FARP1: variants seen among roughly 807,000 people sequenced by gnomAD.
FARP1 encodes the protein FERM, ARHGEF and pleckstrin domain-containing protein 1.
Under a neutral mutation model 128.8 loss-of-function variants are expected in FARP1, and 52 were observed. The observed-to-expected ratio is 0.40, with a 90% CI of 0.32 to 0.51. The LOEUF (loss-of-function observed/expected upper bound fraction) is 0.51, where lower values mean the gene tolerates loss of function less well. FARP1 is among the 20% of genes least tolerant of loss of function. FARP1 has a pLI of 0.45. For missense variants in FARP1, 1,333 were observed against 1,367.9 expected, an observed-to-expected ratio of 0.97 and a Z score of 0.40; for synonymous variants, 580 against 551.8, an observed-to-expected ratio of 1.05 and a Z score of -0.72.
intron 2 of FARP1, among the ~76,000 whole-genome samples, chr13:98,219,789 C>G (rs573591203): frequency 1.3e-5 from 2 of 152,176 alleles, no homozygotes; most frequent in African/African-American, 2.4e-5. Context: ...CACAGTCCCC[C>G]CTAGTTGCTG....
chr13:98,153,575 A>AAATATGTATAAATATATATT (rs1876285745), intron 1 of FARP1, among the ~76,000 whole-genome samples: 1 of 142,624 alleles, frequency 7.0e-6, no homozygotes, highest in African/African-American at 2.6e-5. Context: ...TATTATATAT[A>AAATATGTATAAATATATATT]TATTTCGAGA....
chr13:98,352,522 C>G (rs1888478770), intron 3 of FARP1, among the ~76,000 whole-genome samples: 1 of 152,184 alleles, frequency 6.6e-6, no homozygotes, highest in Non-Finnish European at 1.5e-5. Context: ...AGAAAGCACG[C>G]TTCCATATCC....
At chr13:98,153,330 A>AT (rs71120310) in intron 1 of FARP1, among the ~76,000 whole-genome samples, 2 of 130,216 alleles carry the variant, frequency 1.5e-5, no homozygotes, top group Non-Finnish European at 3.1e-5. Flanking sequence ...TAAATAATAT[A>AT]ATATATAAAA....
intron 1 of FARP1, among the ~76,000 whole-genome samples, chr13:98,184,572 A>G (rs1237188022): frequency 6.6e-6 from 1 of 152,206 alleles, no homozygotes; most frequent in African/African-American, 2.4e-5. Flanking sequence ...TTGCTTCTTA[A>G]GGAAGTACGA....
chr13:98,308,599 TAAC>T (rs1281999600), intron 2 of FARP1, among the ~76,000 whole-genome samples: 1 of 152,186 alleles, frequency 6.6e-6, no homozygotes, highest in Non-Finnish European at 1.5e-5. Context: ...TTCAAAGACT[TAAC>T]AACAACAACA....
At chr13:98,369,707 A>G (rs1262505360) in intron 5 of FARP1, among the ~76,000 whole-genome samples, 2 of 151,980 alleles carry the variant, frequency 1.3e-5, no homozygotes, top group Non-Finnish European at 2.9e-5. Flanking sequence ...ATCATTTTTT[A>G]TGGCTGCATA....
At chr13:98,364,845 C>T (rs540377387) in intron 3 of FARP1, among the ~76,000 whole-genome samples, 7 of 152,284 alleles carry the variant, frequency 4.6e-5, no homozygotes, top group Admixed American at 3.3e-4. Flanking sequence ...GGACCTGGGG[C>T]AAATTAGCCT....
chr13:98,144,435 G>A (rs1421830751), intron 1 of FARP1, among the ~76,000 whole-genome samples: 1 of 152,156 alleles, frequency 6.6e-6, no homozygotes, highest in African/African-American at 2.4e-5. Context: ...AGCAGCCTCG[G>A]CCTCCCTGTC....
intron 6 of FARP1, among the ~76,000 whole-genome samples, chr13:98,378,977 CTATA>C (rs1213039862): frequency 2.8e-3 from 153 of 54,136 alleles, no homozygotes; most frequent in Non-Finnish European, 3.8e-3. Context: ...AATATATAAT[CTATA>C]TATAATATAT....
In FARP1 at chr13:98,248,285, G is replaced by C. The variant is rs148322062; in HGVS notation, c.171+34872G>C. Among the ~76,000 whole-genome samples, 179 of 152,224 alleles carry C rather than the reference G, an allele frequency of 1.2e-3. 1 individual carries two copies. Among genetic ancestry groups the C allele is most frequent in the African/African-American group, 4.0e-3 (165 of 41,528 alleles). On this transcript the variant is annotated intron_variant, in intron 2 of 26. Transcript: ENST00000319562. ...TTGAACTCTTTTCTACTGTATTTGGGTGGAATGAGATTTAATAGTGGACTC... is the reference window on the plus strand; with the variant it reads ...TTGAACTCTTTTCTACTGTATTTGGCTGGAATGAGATTTAATAGTGGACTC...
chr13:98,368,306 A>G (rs988162813), intron 5 of FARP1, 111 bp downstream of exon 5: 3 of 818,002 alleles, frequency 3.7e-6, no homozygotes, highest in African/African-American at 3.4e-5. Flanking sequence ...CTTGACCAGC[A>G]TCTGTTCTGT....
chr13:98,396,804 GT>G (rs1890567807), intron 13 of FARP1: 1 of 241,454 alleles, frequency 4.1e-6, no homozygotes, highest in South Asian at 1.8e-4. Context: ...ATCCGATCAT[GT>G]GTATAGTGTG....
intron 2 of FARP1, among the ~76,000 whole-genome samples, chr13:98,251,565 C>T (rs1261299970): frequency 6.6e-6 from 1 of 151,910 alleles, no homozygotes; most frequent in Non-Finnish European, 1.5e-5. Context: ...CACCTGTAAT[C>T]CCAGCTACTT....
intron 2 of FARP1, among the ~76,000 whole-genome samples, chr13:98,315,651 G>A (rs1886688473): frequency 6.6e-6 from 1 of 152,146 alleles, no homozygotes; most frequent in South Asian, 2.1e-4. Flanking sequence ...AGACGGCCGT[G>A]CTTAGGAGCT....
intron 2 of FARP1, among the ~76,000 whole-genome samples, chr13:98,313,179 T>G: frequency 8.1e-6 from 1 of 122,974 alleles, no homozygotes; most frequent in Non-Finnish European, 1.6e-5. Context: ...ACACATACAC[T>G]CTGGAATCGG....
Position 98,245,394 on chromosome 13 carries a change from C to T in FARP1, c.171+31981C>T, listed in dbSNP as rs1166322738. On this transcript the variant is annotated intron_variant, in intron 2 of 26. Transcript: ENST00000319562. ...TTTTAATGAGAAAACAGATTTTCAG[C>T]TCCCATGTTCAGTGTTTTATGTGAC... 6 of 972,494 alleles carry T rather than the reference C, an allele frequency of 6.2e-6. No homozygotes were observed. In the African/African-American group the frequency reaches 1.1e-4, roughly 17 times the overall value. The allele number at this position is 972,494 out of a possible 1,614,324, so 60.2% of individuals were successfully genotyped here.
At chr13:98,428,938 G>T (rs1308214772) in intron 17 of FARP1, among the ~76,000 whole-genome samples, 2 of 152,252 alleles carry the variant, frequency 1.3e-5, no homozygotes, top group Non-Finnish European at 2.9e-5. Flanking sequence ...GCACACACAT[G>T]CAAGAGCGTG....
rs370074573 is a variant in FARP1 at position 98,289,736 on chromosome 13, G to A, written c.172-54026G>A. 2.6e-4 allele frequency among the ~76,000 whole-genome samples: 39 copies of A among 152,230 alleles called. No homozygotes were observed. In the South Asian group the frequency reaches 5.4e-3, roughly 21 times the overall value. On this transcript the variant is annotated intron_variant, in intron 2 of 26. Transcript: ENST00000319562. ...TCTTGAAAACTCTAGAGAACTGCTC[G>A]CTGTCCTGTGGGTTAAGTCACTTAG...
intron 2 of FARP1, chr13:98,244,449 C>G (rs371319556): frequency 6.4e-7 from 1 of 1,554,668 alleles, no homozygotes; most frequent in Non-Finnish European, 8.7e-7. Context: ...CAACAAAAAG[C>G]GCCTTTTCAA....
Sources: allele counts gnomAD v4.1 joint callset (sites outside exome capture counted in the v4.1 genomes callset), GRCh38; gene constraint gnomAD v4.1.1; transcripts MANE v1.5; gene names NCBI Gene and HGNC (gene_info 2026-07-23, HGNC 2026-07-21).